NXPH1: variants seen among roughly 807,000 people sequenced by gnomAD.
NXPH1 encodes the protein neurexophilin 1, also known as neurexophilin-1.
A neutral mutation model predicts 23.7 loss-of-function variants in NXPH1; 5 were observed. The observed-to-expected ratio is 0.21, with a 90% confidence interval of 0.11 to 0.44. The LOEUF (loss-of-function observed/expected upper bound fraction) is 0.44. Among genes scored for constraint, NXPH1 ranks in the 20% least tolerant of loss-of-function variants. The pLI, the probability that NXPH1 is intolerant of heterozygous loss-of-function variation, is 0.99. For missense variants in NXPH1, 324 were observed against 321.6 expected (o/e 1.01, Z -0.06); for synonymous variants, 144 against 122.2 (o/e 1.18, Z -1.18).
intron 2 of NXPH1, among the ~76,000 whole-genome samples, chr7:8,503,317 G>A (rs2128612840): frequency 6.6e-6 from 1 of 152,086 alleles, no homozygotes; most frequent in South Asian, 2.1e-4. Context: ...AGCAGAGCTA[G>A]GGTTTGAACC....
chr7:8,587,307 T>A (rs1028710627), intron 2 of NXPH1, among the ~76,000 whole-genome samples: 10 of 148,906 alleles, frequency 6.7e-5, no homozygotes, highest in Non-Finnish European at 1.3e-4. Context: ...TTTTTTTTTT[T>A]ATAGAGGGGA....
At chr7:8,674,600 G>A (rs1820919520) in intron 2 of NXPH1, among the ~76,000 whole-genome samples, 1 of 152,130 alleles carries the variant, frequency 6.6e-6, no homozygotes, top group East Asian at 1.9e-4. Flanking sequence ...AGGAGTTTGG[G>A]GTTCCAGGCA....
rs539897164 is a variant in NXPH1 at position 8,599,923 on chromosome 7, G to A, written c.55-151085G>A. On this transcript the variant is annotated intron_variant, in intron 2 of 2. Coordinates refer to ENST00000405863, the MANE Select transcript of NXPH1 (RefSeq NM_152745.3). The stretch of plus-strand genomic sequence containing the variant: ...TCAGTCATATTACGATAACTATGCA[G>A]ATGCTAAAATAGGTTAATTTTGGAG... Among the ~76,000 whole-genome samples the A allele has an allele frequency of 1.1e-4, 17 of 149,664 alleles. No individual in the cohort carries two copies. The East Asian group carries it at 1.7e-3, about 15-fold the overall frequency.
intron 2 of NXPH1, among the ~76,000 whole-genome samples, chr7:8,561,636 G>A (rs1818448143): frequency 6.6e-6 from 1 of 151,610 alleles, no homozygotes; most frequent in Non-Finnish European, 1.5e-5. Context: ...TTTTGAGGCT[G>A]ACTTTTCTGC....
intron 2 of NXPH1, among the ~76,000 whole-genome samples, chr7:8,539,862 C>T (rs1305135440): frequency 6.6e-6 from 1 of 151,782 alleles, no homozygotes; most frequent in Non-Finnish European, 1.5e-5. Flanking sequence ...TCTTTGATAA[C>T]TCTTGGAACC....
chr7:8,664,270 C>T (rs1250324448), intron 2 of NXPH1, among the ~76,000 whole-genome samples: 1 of 152,040 alleles, frequency 6.6e-6, no homozygotes, highest in African/African-American at 2.4e-5. Flanking sequence ...AGAAAAATAT[C>T]CTGTGCTTCC....
chr7:8,578,809 G>T (rs536246702), intron 2 of NXPH1, among the ~76,000 whole-genome samples: 2 of 152,256 alleles, frequency 1.3e-5, no homozygotes, highest in East Asian at 1.9e-4. Context: ...GACCAAGAAA[G>T]GCTTCTCTGA....
intron 2 of NXPH1, among the ~76,000 whole-genome samples, chr7:8,546,357 A>G (rs1452220857): frequency 1.3e-5 from 2 of 151,402 alleles, no homozygotes; most frequent in Non-Finnish European, 3.0e-5. Context: ...AGATGGGGAT[A>G]TTCTTTACTA....
At chr7:8,663,268 A>T (rs1258749099) in intron 2 of NXPH1, among the ~76,000 whole-genome samples, 1 of 152,082 alleles carries the variant, frequency 6.6e-6, no homozygotes, top group Non-Finnish European at 1.5e-5. Flanking sequence ...CTGCCTTATC[A>T]TCCCTTTCGC....
chr7:8,458,879 C>A lies in NXPH1; in HGVS notation c.54+23112C>A, dbSNP rs546145118. On this transcript the variant is annotated intron_variant, in intron 2 of 2. Transcript: ENST00000405863. The stretch of plus-strand genomic sequence containing the variant: ...TCTTGATAGAAGGAATCACTTTACA[C>A]AACTGTTTGAAAAGATCCCTCCTGG... Among the ~76,000 whole-genome samples the A allele has an allele frequency of 3.9e-5, 6 of 152,234 alleles. No homozygotes were observed. In the South Asian group the frequency reaches 6.2e-4, roughly 16 times the overall value.
At chr7:8,459,299 A>C (rs1355598910) in intron 2 of NXPH1, among the ~76,000 whole-genome samples, 1 of 152,130 alleles carries the variant, frequency 6.6e-6, no homozygotes, top group Non-Finnish European at 1.5e-5. Context: ...ACTTCACTGG[A>C]TTTTACAAAT....
At chr7:8,530,374 G>C (rs1411737552) in intron 2 of NXPH1, among the ~76,000 whole-genome samples, 1 of 152,198 alleles carries the variant, frequency 6.6e-6, no homozygotes, top group Non-Finnish European at 1.5e-5. Flanking sequence ...ATCTAGATTG[G>C]TTCTAGGACT....
At chr7:8,463,379 TTTTTAACCC>T (rs1252685328) in intron 2 of NXPH1, among the ~76,000 whole-genome samples, 5 of 152,116 alleles carry the variant, frequency 3.3e-5, no homozygotes, top group African/African-American at 1.2e-4. Context: ...ACATTTATAT[TTTTTAACCC>T]TTTGAAAATA....
At chr7:8,646,250 A>G (rs1820398606) in intron 2 of NXPH1, among the ~76,000 whole-genome samples, 1 of 152,042 alleles carries the variant, frequency 6.6e-6, no homozygotes, top group African/African-American at 2.4e-5. Flanking sequence ...TTTTATTGTA[A>G]ATGAACTTAT....
intron 2 of NXPH1, among the ~76,000 whole-genome samples, chr7:8,524,026 C>T (rs562547700): frequency 3.1e-4 from 47 of 152,026 alleles, no homozygotes; most frequent in Middle Eastern, 3.4e-3. Context: ...GGGTGGATTA[C>T]GAGGTCAGCA....
intron 2 of NXPH1, among the ~76,000 whole-genome samples, chr7:8,560,814 C>A (rs985406073): frequency 6.6e-6 from 1 of 151,652 alleles, no homozygotes; most frequent in Non-Finnish European, 1.5e-5. Flanking sequence ...CATACTTAAA[C>A]AAAACCTCAA....
At chr7:8,620,938 G>A (rs987370963) in intron 2 of NXPH1, among the ~76,000 whole-genome samples, 56 of 151,956 alleles carry the variant, frequency 3.7e-4, no homozygotes, top group Non-Finnish European at 2.5e-4. Flanking sequence ...GAATAAAAAC[G>A]CTCTCTCTAT....
chr7:8,645,239 T>G (rs897835362), intron 2 of NXPH1, among the ~76,000 whole-genome samples: 4 of 152,180 alleles, frequency 2.6e-5, no homozygotes, highest in Non-Finnish European at 2.9e-5. Flanking sequence ...TTTTATTAGA[T>G]AACTTAACCT....
At chr7:8,551,680 A>C (rs1166015077) in intron 2 of NXPH1, among the ~76,000 whole-genome samples, 1 of 151,520 alleles carries the variant, frequency 6.6e-6, no homozygotes, top group African/African-American at 2.4e-5. Flanking sequence ...TTTTAAAATA[A>C]GATTTAGGAA....
Sources: gnomAD v4.1 joint callset for allele counts (sites outside exome capture counted in the v4.1 genomes callset) on GRCh38, gnomAD v4.1.1 for gene constraint, MANE v1.5 for transcripts, NCBI Gene and HGNC (gene_info 2026-07-23, HGNC 2026-07-21) for gene names.